Variants in CSMD1 observed in about 807,000 individuals in gnomAD.
CSMD1 encodes the protein CUB and Sushi multiple domains 1, also known as CUB and sushi domain-containing protein 1.
Under a neutral mutation model 417.5 loss-of-function variants are expected in CSMD1, and 213 were observed. The ratio of observed to expected loss-of-function variants is 0.51; its 90% confidence interval spans 0.46 to 0.57. The LOEUF (loss-of-function observed/expected upper bound fraction) is 0.57, where lower values mean the gene tolerates loss of function less well. Among genes scored for constraint, CSMD1 ranks in the 20% least tolerant of loss-of-function variants. The probability of loss-of-function intolerance (pLI) is 0.00; values close to 1 mark genes in which losing one functional copy is unlikely to be tolerated. For synonymous variants in CSMD1, 2,862 were observed against 1,736.8 expected (o/e 1.65, Z -16.11); for missense variants, 6,923 against 4,529.7 (o/e 1.53, Z -15.17).
At chr8:4,497,917 G>C (rs1249921850) in intron 2 of CSMD1, among the ~76,000 whole-genome samples, 1 of 152,112 alleles carries the variant, frequency 6.6e-6, no homozygotes, top group Non-Finnish European at 1.5e-5. Flanking sequence ...CCTTCAAGAA[G>C]CTCACGGACA....
At chr8:3,644,357 T>G (rs576602403) in intron 7 of CSMD1, among the ~76,000 whole-genome samples, 1 of 152,308 alleles carries the variant, frequency 6.6e-6, no homozygotes, top group Admixed American at 6.5e-5. Flanking sequence ...CATGTCTGGC[T>G]CTAAAATCAG....
At chr8:4,258,208 G>C (rs577138039) in intron 3 of CSMD1, among the ~76,000 whole-genome samples, 1 of 148,684 alleles carries the variant, frequency 6.7e-6, no homozygotes, top group African/African-American at 2.5e-5. Flanking sequence ...GCCTTCCAAA[G>C]TTCTGAGATT....
At chr8:4,018,600 C>G (rs1025379650) in intron 4 of CSMD1, among the ~76,000 whole-genome samples, 6 of 152,218 alleles carry the variant, frequency 3.9e-5, no homozygotes, top group Admixed American at 6.5e-5. Flanking sequence ...CCCCCTGCCC[C>G]ACTCAGACTA....
intron 7 of CSMD1, among the ~76,000 whole-genome samples, chr8:3,621,983 GTGTGTGTA>G (rs1250248864): frequency 4.4e-5 from 5 of 114,098 alleles, no homozygotes; most frequent in Non-Finnish European, 7.4e-5. Flanking sequence ...CTCTTTGTGT[GTGTGTGTA>G]TGTGTGTGTG....
chr8:4,924,658 G>A (rs1230817811), intron 1 of CSMD1, among the ~76,000 whole-genome samples: 1 of 124,886 alleles, frequency 8.0e-6, no homozygotes, highest in African/African-American at 3.0e-5. Context: ...GGAGGTGGAG[G>A]TTGCAGTGAG....
intron 7 of CSMD1, among the ~76,000 whole-genome samples, chr8:3,674,225 T>A (rs942002256): frequency 5.3e-5 from 8 of 152,222 alleles, no homozygotes; most frequent in African/African-American, 1.9e-4. Context: ...AAAAGCAGAT[T>A]GTATTATGGT....
chr8:4,680,949 G>GATGTGTGTGTGTGT (rs1563130237), intron 1 of CSMD1, among the ~76,000 whole-genome samples: 1 of 108,770 alleles, frequency 9.2e-6, no homozygotes, highest in African/African-American at 4.0e-5. Context: ...TATCTATATT[G>GATGTGTGTGTGTGT]ATGTGTGTGT....
intron 18 of CSMD1, among the ~76,000 whole-genome samples, chr8:3,372,577 G>T (rs1425609872): frequency 1.3e-5 from 2 of 152,080 alleles, no homozygotes; most frequent in Admixed American, 1.3e-4. Context: ...CTCCTGAATG[G>T]GATATGGGCA....
chr8:4,140,300 C>T lies in CSMD1; in HGVS notation c.416-108201G>A, dbSNP rs145886244. Among the ~76,000 whole-genome samples the T allele has an allele frequency of 1.1e-3, 159 of 150,950 alleles. 3 individuals are homozygous for T. The East Asian group carries it at 0.03, about 28-fold the overall frequency. On this transcript the variant is annotated intron_variant, in intron 3 of 69. Transcript: ENST00000635120. ...TCACTTGAGGTCAGGAGTTTGAGAC[C>T]AGCCTGACAAACATGGTGAAATCCC... is the stretch of plus-strand genomic sequence containing the variant.
At chr8:3,269,281 C>G (rs185526390) in intron 26 of CSMD1, among the ~76,000 whole-genome samples, 2 of 152,358 alleles carry the variant, frequency 1.3e-5, no homozygotes, top group Admixed American at 1.3e-4. Context: ...GCGGCCAGTT[C>G]TCTGCCAGTC....
chr8:3,607,555 G>A (rs1175871386), intron 8 of CSMD1, among the ~76,000 whole-genome samples: 1 of 152,192 alleles, frequency 6.6e-6, no homozygotes. Flanking sequence ...TGTGAGGACT[G>A]CTCTGTGCTG....
chr8:3,981,103 T>C (rs1440857879), intron 5 of CSMD1, among the ~76,000 whole-genome samples: 2 of 152,198 alleles, frequency 1.3e-5, no homozygotes, highest in African/African-American at 4.8e-5. Flanking sequence ...ATTTGCATAA[T>C]GCATGCTGAA....
intron 65 of CSMD1, among the ~76,000 whole-genome samples, chr8:2,952,480 C>G (rs1435404434): frequency 2.0e-5 from 3 of 151,978 alleles, no homozygotes; most frequent in Non-Finnish European, 4.4e-5. Flanking sequence ...TTTGTAGACC[C>G]CACTTTCTCA....
At chr8:3,481,895 G>C (rs908432579) in intron 11 of CSMD1, among the ~76,000 whole-genome samples, 8 of 152,126 alleles carry the variant, frequency 5.3e-5, no homozygotes, top group African/African-American at 1.9e-4. Context: ...AGAACTGAGA[G>C]TACAAATTTC....
At chr8:4,098,612 G>T (rs1801146972) in intron 3 of CSMD1, among the ~76,000 whole-genome samples, 1 of 152,070 alleles carries the variant, frequency 6.6e-6, no homozygotes, top group Admixed American at 6.6e-5. Flanking sequence ...GTTCAAATAA[G>T]TGAAGGTAGT....
chr8:3,267,336 A>G (rs981373407), intron 26 of CSMD1, among the ~76,000 whole-genome samples: 1 of 152,230 alleles, frequency 6.6e-6, no homozygotes, highest in African/African-American at 2.4e-5. Context: ...AAGATCATCT[A>G]TCGCGTACGA....
chr8:4,791,343 C>T (rs371275406), intron 1 of CSMD1, among the ~76,000 whole-genome samples: 1 of 152,176 alleles, frequency 6.6e-6, no homozygotes, highest in South Asian at 2.1e-4. Flanking sequence ...CTTGTTTTTA[C>T]TCCTTTCTTT....
chr8:3,778,441 G>A (rs1033641886), intron 5 of CSMD1, among the ~76,000 whole-genome samples: 4 of 152,186 alleles, frequency 2.6e-5, no homozygotes, highest in Admixed American at 2.6e-4. Context: ...TCCACTTCCA[G>A]CCATCCCAAG....
intron 23 of CSMD1, among the ~76,000 whole-genome samples, chr8:3,310,673 T>A (rs1805262752): frequency 6.6e-6 from 1 of 152,148 alleles, no homozygotes; most frequent in African/African-American, 2.4e-5. Context: ...AACAGGATCC[T>A]GGGAAAACTT....
Sources: allele counts gnomAD v4.1 joint callset (sites outside exome capture counted in the v4.1 genomes callset), GRCh38; gene constraint gnomAD v4.1.1; transcripts MANE v1.5; gene names NCBI Gene and HGNC (gene_info 2026-07-23, HGNC 2026-07-21).